SLC12A6: variants seen among roughly 807,000 people sequenced by gnomAD.
SLC12A6 encodes solute carrier family 12 member 6.
SLC12A6 carries 66 observed loss-of-function variants against 135.3 expected under a neutral mutation model. The observed-to-expected ratio is 0.49, with a 90% confidence interval of 0.40 to 0.60. SLC12A6 has a LOEUF of 0.60. Among genes scored for constraint, SLC12A6 ranks in the 20% least tolerant of loss-of-function variants. The probability of loss-of-function intolerance (pLI) is 0.00; values close to 1 mark genes in which losing one functional copy is unlikely to be tolerated. For missense variants in SLC12A6, 1,058 were observed against 1,452.3 expected, an observed-to-expected ratio of 0.73 and a Z score of 4.41; for synonymous variants, 513 against 508.8, an observed-to-expected ratio of 1.01 and a Z score of -0.11.
intron 2 of SLC12A6, among the ~76,000 whole-genome samples, chr15:34,323,058 C>CA (rs1455922959): frequency 8.1e-6 from 1 of 123,568 alleles, no homozygotes; most frequent in Non-Finnish European, 1.8e-5. Context: ...TGAAAAAATA[C>CA]AATGGACACC....
At chr15:34,293,994 T>C (rs1423881164) in intron 2 of SLC12A6, among the ~76,000 whole-genome samples, 2 of 152,324 alleles carry the variant, frequency 1.3e-5, no homozygotes, top group Middle Eastern at 3.4e-3. Flanking sequence ...CATAAAAGTA[T>C]ATAAACTTGC....
At chr15:34,275,630 T>G (rs1418715334) in intron 2 of SLC12A6, among the ~76,000 whole-genome samples, 1 of 152,130 alleles carries the variant, frequency 6.6e-6, no homozygotes, top group Non-Finnish European at 1.5e-5. Context: ...CCAAAATAAT[T>G]GAAAACAGGG....
intron 22 of SLC12A6, chr15:34,237,206 A>C: frequency 2.0e-6 from 1 of 508,496 alleles, no homozygotes; most frequent in Non-Finnish European, 3.5e-6. Context: ...TGTAATAAAC[A>C]AGAAAGCAAA....
intron 2 of SLC12A6, among the ~76,000 whole-genome samples, chr15:34,302,954 T>C (rs1896356653): frequency 9.0e-6 from 1 of 110,538 alleles, no homozygotes; most frequent in Non-Finnish European, 1.7e-5. Flanking sequence ...GGAGACCCTG[T>C]CTCAAAAAAA....
intron 3 of SLC12A6, among the ~76,000 whole-genome samples, chr15:34,267,217 C>A (rs1003700934): frequency 6.7e-6 from 1 of 150,198 alleles, no homozygotes; most frequent in African/African-American, 2.5e-5. Context: ...TGGTGTCCAA[C>A]GTTCCCAGTA....
At chr15:34,278,641 G>A (rs184433223) in intron 2 of SLC12A6, among the ~76,000 whole-genome samples, 43 of 151,658 alleles carry the variant, frequency 2.8e-4, no homozygotes, top group South Asian at 2.5e-3. Context: ...GCGCGATCTC[G>A]GCTCACTGCA....
rs1220581253 is a variant in SLC12A6, at chr15:34,245,688, C to G, written c.1824+5G>C. Reference sequence around the variant, plus strand: ...AAGAAGAGGGCATAATAAAAGGTCACTCACCCTCAGAAACGGTATGATGTT... The same window carrying G: ...AAGAAGAGGGCATAATAAAAGGTCAGTCACCCTCAGAAACGGTATGATGTT... On this transcript the variant is annotated splice_donor_5th_base_variant and intron_variant, in intron 14 of 25. Transcript: ENST00000354181. The G allele has an allele frequency of 1.2e-6, 2 of 1,610,560 alleles. No individual in the cohort carries two copies. The highest frequency in any genetic ancestry group is 1.7e-5 in the Admixed American group (1 of 60,000).
chr15:34,248,931 T>C (rs1176095782), intron 13 of SLC12A6, among the ~76,000 whole-genome samples: 2 of 152,160 alleles, frequency 1.3e-5, no homozygotes, highest in African/African-American at 4.8e-5. Flanking sequence ...AATGTGTTTA[T>C]ACGTGGAGAC....
At position 34,237,589 on chromosome 15, in the gene SLC12A6, G is replaced by A. The variant is rs74734994; in HGVS notation, c.2803-39C>T. 1.8e-3 allele frequency: 2,859 copies of A among 1,587,398 alleles called. 58 individuals are homozygous for A. The African/African-American group carries it at 0.034, about 19-fold the overall frequency. On this transcript the variant is annotated intron_variant, in intron 21 of 25. Coordinates refer to ENST00000354181, the MANE Select transcript of SLC12A6 (RefSeq NM_001365088.1). ...ATACACATGTGAAAAATTAGAGCAA[G>A]GAGGCAAAAAAGGTTATTTCCTAAG... is the stretch of plus-strand genomic sequence containing the variant.
At chr15:34,293,891 C>T (rs1895707392) in intron 2 of SLC12A6, among the ~76,000 whole-genome samples, 1 of 152,196 alleles carries the variant, frequency 6.6e-6, no homozygotes, top group Admixed American at 6.5e-5. Context: ...GTGTGAACCA[C>T]CATGCCCAGC....
rs188674670 is a variant in SLC12A6 at position 34,269,928 on chromosome 15, G to A, written c.316+5417C>T. ...GCCTAGCTCCATTAATTTATGAGAG[G>A]TCACCAAATGGTAATATTCTCATTC... On this transcript the variant is annotated intron_variant, in intron 3 of 25. Coordinates refer to ENST00000354181, the MANE Select transcript of SLC12A6 (RefSeq NM_001365088.1). 2.9e-4 allele frequency among the ~76,000 whole-genome samples: 44 copies of A among 152,156 alleles called. No homozygotes were observed. The East Asian group carries it at 8.1e-3, about 28-fold the overall frequency.
chr15:34,284,277 C>CTTTTTTTTTT (rs71415558), intron 2 of SLC12A6, among the ~76,000 whole-genome samples: 8 of 92,490 alleles, frequency 8.6e-5, no homozygotes, highest in Admixed American at 2.5e-4. Context: ...TGTTTCTTTT[C>CTTTTTTTTTT]TTTTTTTTTT....
rs1159274156 is a variant in SLC12A6, at chr15:34,248,357, G to A, written c.1649+1941C>T. Among the ~76,000 whole-genome samples the A allele has an allele frequency of 5.9e-5, 9 of 152,206 alleles. No individual in the cohort carries two copies. In the East Asian group the frequency reaches 1.7e-3, roughly 29 times the overall value. The stretch of plus-strand genomic sequence containing the variant: ...TGCACATGTGCAAGCATTTCTGTTA[G>A]ATATACCTAGAAGTGGAAATGCTGA... On this transcript the variant is annotated intron_variant, in intron 13 of 25. Coordinates refer to ENST00000354181, the MANE Select transcript of SLC12A6 (RefSeq NM_001365088.1).
intron 2 of SLC12A6, among the ~76,000 whole-genome samples, chr15:34,309,845 T>C (rs971065843): frequency 5.3e-5 from 8 of 152,078 alleles, no homozygotes; most frequent in African/African-American, 1.9e-4. Context: ...AGATCTAAAT[T>C]TCCGTTAGTT....
At chr15:34,322,437 A>G (rs1349233024) in intron 2 of SLC12A6, among the ~76,000 whole-genome samples, 1 of 152,144 alleles carries the variant, frequency 6.6e-6, no homozygotes, top group Non-Finnish European at 1.5e-5. Context: ...CCTCAAAAGA[A>G]AAAAAGCTGC....
At chr15:34,235,644 G>C (rs1042368991) in intron 24 of SLC12A6, among the ~76,000 whole-genome samples, 2 of 151,948 alleles carry the variant, frequency 1.3e-5, no homozygotes, top group Non-Finnish European at 2.9e-5. Context: ...CACCATGTTG[G>C]GCAGGCTGGT....
intron 2 of SLC12A6, among the ~76,000 whole-genome samples, chr15:34,290,407 T>C (rs971907462): frequency 7.2e-5 from 11 of 152,200 alleles, no homozygotes; most frequent in Non-Finnish European, 1.5e-4. Flanking sequence ...AATTACGTGG[T>C]CAATTTTAGA....
chr15:34,315,491 G>A (rs184531297), intron 2 of SLC12A6, among the ~76,000 whole-genome samples: 1 of 152,262 alleles, frequency 6.6e-6, no homozygotes, highest in African/African-American at 2.4e-5. Context: ...GGAAGCTGAG[G>A]CAGGAGGGGA....
intron 2 of SLC12A6, among the ~76,000 whole-genome samples, chr15:34,281,148 C>CTA (rs1894652132): frequency 6.6e-6 from 1 of 152,076 alleles, no homozygotes; most frequent in African/African-American, 2.4e-5. Context: ...TGAAGGATGA[C>CTA]TACGGTTAAC....
Sources: gnomAD v4.1 joint callset for allele counts (sites outside exome capture counted in the v4.1 genomes callset) on GRCh38, gnomAD v4.1.1 for gene constraint, MANE v1.5 for transcripts, NCBI Gene and HGNC (gene_info 2026-07-23, HGNC 2026-07-21) for gene names.